Variants in LARGE1 observed in about 807,000 individuals in gnomAD.
LARGE1 encodes the protein LARGE xylosyl- and glucuronyltransferase 1, also known as xylosyl- and glucuronyltransferase LARGE1.
In LARGE1, 43 loss-of-function variants were observed where a neutral mutation model predicts 87.6. The ratio of observed to expected loss-of-function variants is 0.49; its 90% CI spans 0.38 to 0.63. The LOEUF (loss-of-function observed/expected upper bound fraction) is 0.63, where lower values mean the gene tolerates loss of function less well. Ranked by LOEUF, LARGE1 falls within the 30% of genes least tolerant of loss-of-function variation. LARGE1 has a pLI of 0.00. For missense variants in LARGE1, 802 were observed against 1,000.2 expected (o/e 0.80, Z 2.67); for synonymous variants, 434 against 394.6 (o/e 1.10, Z -1.18).
Position 33,627,548 on chromosome 22 carries a change from T to C in LARGE1, c.409-1222A>G, listed in dbSNP as rs555532781. Among the ~76,000 whole-genome samples, 95 of 152,338 alleles carry C rather than the reference T, an allele frequency of 6.2e-4. 3 individuals are homozygous for C. The South Asian group carries it at 0.014, about 22-fold the overall frequency. Reference sequence around the variant, plus strand: ...GAACTCCTCAGAGCCCTTGCTCCCATGACACGGGCTTCCAGATACCTTGTT... The same window carrying C: ...GAACTCCTCAGAGCCCTTGCTCCCACGACACGGGCTTCCAGATACCTTGTT... On this transcript the variant is annotated intron_variant, in intron 3 of 14. Transcript: ENST00000397394.
At chr22:33,841,181 G>A (rs961989647) in intron 1 of LARGE1, among the ~76,000 whole-genome samples, 5 of 152,164 alleles carry the variant, frequency 3.3e-5, no homozygotes, top group African/African-American at 9.7e-5. Context: ...GATGGGTTTA[G>A]CAGGATGCAA....
At chr22:33,665,067 T>C (rs240353) in intron 2 of LARGE1, among the ~76,000 whole-genome samples, 77,241 of 151,944 alleles carry the variant, frequency 0.51, 21,509 homozygotes, top group Middle Eastern at 0.65. Context: ...CACTCAGGGC[T>C]TCTACACTTG....
At chr22:33,535,878 C>T (rs2077028211) in intron 6 of LARGE1, among the ~76,000 whole-genome samples, 1 of 152,196 alleles carries the variant, frequency 6.6e-6, no homozygotes, top group African/African-American at 2.4e-5. Flanking sequence ...CTGTATTCTC[C>T]TCTTCCAGTA....
intron 1 of LARGE1, among the ~76,000 whole-genome samples, chr22:33,821,770 C>T (rs9941961): frequency 0.32 from 48,895 of 151,512 alleles, 9,296 homozygotes; most frequent in African/African-American, 0.52. Context: ...CAAAGGAGTT[C>T]AATTTTCAAT....
intron 11 of LARGE1, chr22:33,305,514 T>C: frequency 1.1e-6 from 1 of 880,278 alleles, no homozygotes; most frequent in Non-Finnish European, 1.4e-6. Context: ...AAAGCCTACT[T>C]GAATTGTTTT....
At position 33,509,772 on chromosome 22, in the gene LARGE1, T is replaced by A. The variant is rs536345547; in HGVS notation, c.787+55076A>T. Among the ~76,000 whole-genome samples, 4 of 152,342 alleles carry A rather than the reference T, an allele frequency of 2.6e-5. No homozygotes were observed. The South Asian group carries it at 8.3e-4, about 32-fold the overall frequency. On this transcript the variant is annotated intron_variant, in intron 6 of 14. Transcript: ENST00000397394. ...CAAGATTTTATAAATGTTCTGTGTT[T>A]TTATAAATGATCTGTGTTTTGCCCA...
chr22:33,766,902 T>C (rs2084917362), intron 1 of LARGE1, among the ~76,000 whole-genome samples: 2 of 96,386 alleles, frequency 2.1e-5, no homozygotes, highest in South Asian at 4.2e-4. Flanking sequence ...TATGACTAAT[T>C]TAAACATATA....
intron 2 of LARGE1, among the ~76,000 whole-genome samples, chr22:33,658,521 G>A (rs1323576749): frequency 6.6e-6 from 1 of 152,168 alleles, no homozygotes; most frequent in African/African-American, 2.4e-5. Context: ...TTCCACTTAT[G>A]AGTGAGAACA....
rs538189960 is a variant in LARGE1, at chr22:33,645,524, T to C, written c.408+4843A>G. On this transcript the variant is annotated intron_variant, in intron 3 of 14. Transcript: ENST00000397394. ...AACCTAGGCAATACCATTCAGGATATAGTCATGGGCAAAGACTTCATGACT... is the reference window on the plus strand; with the variant it reads ...AACCTAGGCAATACCATTCAGGATACAGTCATGGGCAAAGACTTCATGACT... Among the ~76,000 whole-genome samples the C allele has an allele frequency of 6.6e-5, 10 of 152,280 alleles. No individual in the cohort carries two copies. In the South Asian group the frequency reaches 8.3e-4, roughly 13 times the overall value.
chr22:33,539,666 T>C (rs1459769601), intron 6 of LARGE1, among the ~76,000 whole-genome samples: 1 of 151,522 alleles, frequency 6.6e-6, no homozygotes, highest in African/African-American at 2.4e-5. Context: ...CACAGCTCAC[T>C]GCAGCCTCAA....
At chr22:33,122,550 G>A in the LARGE1 span, among the ~76,000 whole-genome samples, 1 of 151,740 alleles carries the variant, frequency 6.6e-6, no homozygotes, top group Non-Finnish European at 1.5e-5. Flanking sequence ...GTAGAGACGG[G>A]GTTTCTCCAT....
rs1013653441 is a variant in LARGE1 at position 33,852,345 on chromosome 22, T to C, written c.-83+67650A>G. Among the ~76,000 whole-genome samples the C allele has an allele frequency of 7.2e-5, 11 of 152,180 alleles. 1 individual carries two copies. In the South Asian group the frequency reaches 2.1e-3, roughly 29 times the overall value. On this transcript the variant is annotated intron_variant, in intron 1 of 14. Coordinates refer to ENST00000397394, the MANE Select transcript of LARGE1 (RefSeq NM_133642.5). ...TTCCTGCCATCAACTGTGGAAGTAA[T>C]TAATAGTCACTTTTATTTCAGAATT...
rs11323006 is a variant in LARGE1 at position 33,226,736 on chromosome 22, A to AT, written c.1731-59905dup. 4.0e-4 allele frequency among the ~76,000 whole-genome samples: 59 copies of AT among 146,820 alleles called. 1 individual carries two copies. In the East Asian group the frequency reaches 8.9e-3, roughly 22 times the overall value. ...ATTATTATTATTATTATTTATTATTATTTTTTTTTTTGAGACGGAGTCCCG... is the reference window on the plus strand; with the variant it reads ...ATTATTATTATTATTATTTATTATTATTTTTTTTTTTTGAGACGGAGTCCCG... On this transcript the variant is annotated intron_variant, in intron 11 of 11. Coordinates refer to the LARGE1 transcript ENST00000608642.
At chr22:33,622,808 C>T (rs571406305) in intron 4 of LARGE1, among the ~76,000 whole-genome samples, 7 of 152,304 alleles carry the variant, frequency 4.6e-5, no homozygotes, top group African/African-American at 9.6e-5. Flanking sequence ...GCAGAATTTT[C>T]GTAGCACATA....
chr22:33,460,572 C>A (rs1047357986), intron 6 of LARGE1, among the ~76,000 whole-genome samples: 2 of 152,070 alleles, frequency 1.3e-5, no homozygotes, highest in Non-Finnish European at 2.9e-5. Context: ...TAAGGCAGAT[C>A]TTGAGTCAAT....
rs745392097 is a variant in LARGE1, at chr22:33,283,240, C to A, written c.1839G>T (p.Leu613Phe). 5.0e-6 allele frequency: 8 copies of A among 1,614,074 alleles called. No homozygotes were observed. The East Asian group carries it at 1.3e-4, about 27-fold the overall frequency. Residue 613 changes from leucine (L) to phenylalanine (F), a missense_variant, in exon 13 of 15, where the codon TTG becomes TTT. By Grantham distance (22) the Leu-to-Phe change is conservative (BLOSUM62 0). This residue lies in a region of LARGE1 where 625 missense variants were observed against 841.9 expected (regional missense o/e 0.74). Transcript: ENST00000397394. ...RLSFPKSKAELLSMLDMGTLF... is the reference protein window; with the variant it reads ...RLSFPKSKAEFLSMLDMGTLF... ...GGGTCCCCATGTCCAGCATTGACAG[C>A]AACTCCGCTTTTGACTTGGGGAAGG...
intron 1 of LARGE1, among the ~76,000 whole-genome samples, chr22:33,835,421 C>T (rs2063084021): frequency 6.6e-6 from 1 of 152,160 alleles, no homozygotes; most frequent in East Asian, 1.9e-4. Context: ...TTCTATAACC[C>T]TCCAAGAGTG....
intron 12 of LARGE1, among the ~76,000 whole-genome samples, chr22:33,292,114 C>A (rs1932703189): frequency 6.6e-6 from 1 of 151,910 alleles, no homozygotes; most frequent in African/African-American, 2.4e-5. Context: ...CAAACACAAA[C>A]AAACAAAACC....
chr22:33,388,341 T>C (rs1166760956), intron 7 of LARGE1, among the ~76,000 whole-genome samples: 1 of 152,248 alleles, frequency 6.6e-6, no homozygotes, highest in African/African-American at 2.4e-5. Flanking sequence ...GGGATTGCCG[T>C]GTTGAAGGCG....
Sources: allele counts gnomAD v4.1 joint callset (sites outside exome capture counted in the v4.1 genomes callset), GRCh38; gene constraint gnomAD v4.1.1; regional missense constraint gnomAD v4.1.1; transcripts MANE v1.5; gene names NCBI Gene and HGNC (gene_info 2026-07-23, HGNC 2026-07-21).